Variants in ADAMTS9 observed in about 807,000 individuals in gnomAD.
ADAMTS9 encodes the protein A disintegrin and metalloproteinase with thrombospondin motifs 9.
In ADAMTS9, 107 loss-of-function variants were observed where a neutral mutation model predicts 257.1. The observed-to-expected ratio is 0.42, with a 90% CI of 0.36 to 0.49. The LOEUF is 0.49. Ranked by LOEUF, ADAMTS9 falls within the 20% of genes least tolerant of loss-of-function variation. The probability of loss-of-function intolerance (pLI) is 0.03; values close to 1 mark genes in which losing one functional copy is unlikely to be tolerated. For missense variants in ADAMTS9, 2,353 were observed against 2,469.1 expected, an observed-to-expected ratio of 0.95 and a Z score of 1.00; for synonymous variants, 982 against 880.9, an observed-to-expected ratio of 1.11 and a Z score of -2.03.
intron 3 of ADAMTS9, among the ~76,000 whole-genome samples, chr3:64,674,432 C>A (rs777114797): frequency 2.0e-5 from 3 of 152,150 alleles, no homozygotes; most frequent in Non-Finnish European, 2.9e-5. Context: ...AAGCTGTGGA[C>A]AAGTTTGTTC....
chr3:64,572,955 G>T (rs182990095), intron 28 of ADAMTS9, among the ~76,000 whole-genome samples: 2 of 152,150 alleles, frequency 1.3e-5, no homozygotes, highest in East Asian at 3.9e-4. Flanking sequence ...GCATGCACCT[G>T]TAGTTCCAGC....
At chr3:64,677,635 T>C (rs1293169850) in intron 3 of ADAMTS9, among the ~76,000 whole-genome samples, 1 of 152,218 alleles carries the variant, frequency 6.6e-6, no homozygotes, top group South Asian at 2.1e-4. Context: ...AAAAAACACC[T>C]ACCATTCTGT....
intron 28 of ADAMTS9, among the ~76,000 whole-genome samples, chr3:64,569,856 G>A (rs1321611483): frequency 6.6e-6 from 1 of 152,090 alleles, no homozygotes; most frequent in African/African-American, 2.4e-5. Context: ...AATCTTAATG[G>A]AGTATACAGG....
intron 8 of ADAMTS9, 70 bp downstream of exon 8, chr3:64,654,283 C>T (rs1701002275): frequency 6.9e-7 from 1 of 1,442,970 alleles, no homozygotes; most frequent in Non-Finnish European, 9.6e-7. Context: ...CAAGTAAATG[C>T]TCACTGATGC....
At chr3:64,530,523 AT>A (rs1282006539) in intron 38 of ADAMTS9, among the ~76,000 whole-genome samples, 6 of 136,208 alleles carry the variant, frequency 4.4e-5, no homozygotes, top group Admixed American at 4.1e-4. Flanking sequence ...GAACACCAAG[AT>A]TTAAAAAAAA....
intron 3 of ADAMTS9, among the ~76,000 whole-genome samples, chr3:64,663,208 T>A: frequency 6.6e-6 from 1 of 152,224 alleles, no homozygotes; most frequent in South Asian, 2.1e-4. Context: ...TCTGTGGATA[T>A]ACCAAAGAAT....
intron 37 of ADAMTS9, among the ~76,000 whole-genome samples, chr3:64,536,802 T>C (rs2083056608): frequency 1.3e-5 from 2 of 152,172 alleles, no homozygotes; most frequent in African/African-American, 4.8e-5. Flanking sequence ...ATAATAATAG[T>C]GTCACATCTA....
chr3:64,611,658 TCA>T (rs1236663923), intron 22 of ADAMTS9, among the ~76,000 whole-genome samples: 1 of 152,154 alleles, frequency 6.6e-6, no homozygotes, highest in East Asian at 1.9e-4. Context: ...AACCTAGATC[TCA>T]CAGTTCACAA....
chr3:64,575,798 T>C (rs1334151366), intron 28 of ADAMTS9, among the ~76,000 whole-genome samples: 2 of 152,228 alleles, frequency 1.3e-5, no homozygotes, highest in African/African-American at 4.8e-5. Context: ...AGACAATGCA[T>C]GCAAAGCTCT....
chr3:64,536,397 G>C (rs75962212), intron 37 of ADAMTS9, among the ~76,000 whole-genome samples: 8,879 of 152,212 alleles, frequency 0.058, 1,151 homozygotes, highest in Admixed American at 0.3. Context: ...ACCTTCTGTT[G>C]CCTATTCTAA....
chr3:64,649,842 A>G, intron 9 of ADAMTS9, 64 bp from the exon 10 acceptor site: 1 of 1,551,936 alleles, frequency 6.4e-7, no homozygotes, highest in East Asian at 2.3e-5. Context: ...TCCCCCAGGT[A>G]ACAGTAAAGG....
In ADAMTS9 at chr3:64,622,313, T is replaced by C. The variant is rs748810330; in HGVS notation, c.2571A>G (p.Gly857=). Residue 857 remains glycine, a synonymous_variant, in exon 18 of 40, where the codon GGA becomes GGG. Transcript: ENST00000498707. ...AGCGTACATCGGGGTTGTACAACTTTCCCACCGACAAAACCTAGAATGTGT... is the reference window on the plus strand; with the variant it reads ...AGCGTACATCGGGGTTGTACAACTTCCCCACCGACAAAACCTAGAATGTGT... ...QELLLQVLSV[G]KLYNPDVRYS... 6.2e-7 allele frequency: 1 copy of C among 1,613,672 alleles called. No individual in the cohort carries two copies.
At chr3:64,560,638 C>T (rs1001544161) in intron 30 of ADAMTS9, among the ~76,000 whole-genome samples, 4 of 152,238 alleles carry the variant, frequency 2.6e-5, no homozygotes, top group African/African-American at 9.6e-5. Context: ...AATAATAATG[C>T]TCACCTTGTC....
At chr3:64,604,395 G>A in intron 23 of ADAMTS9, 64 bp from the exon 24 acceptor site, 1 of 1,176,018 alleles carries the variant, frequency 8.5e-7, no homozygotes, top group Non-Finnish European at 1.2e-6. Context: ...CAAGGTAATG[G>A]TCATGGTGGA....
chr3:64,528,659 G>A (rs895432737), intron 38 of ADAMTS9, among the ~76,000 whole-genome samples: 5 of 152,104 alleles, frequency 3.3e-5, no homozygotes, highest in Non-Finnish European at 7.3e-5. Flanking sequence ...CCCTTCCTTA[G>A]TCACCTTGGC....
chr3:64,582,760 G>A (rs1035372504), intron 28 of ADAMTS9: 3 of 152,182 alleles, frequency 2.0e-5, no homozygotes, highest in Non-Finnish European at 4.4e-5. Flanking sequence ...ATAGTGCCAA[G>A]GTTGGGAAAC....
At chr3:64,630,986 A>G (rs879388130) in intron 16 of ADAMTS9, among the ~76,000 whole-genome samples, 1 of 152,176 alleles carries the variant, frequency 6.6e-6, no homozygotes, top group Non-Finnish European at 1.5e-5. Flanking sequence ...GTCACCATAG[A>G]AACTTTTGCA....
chr3:64,604,255 G>A lies in ADAMTS9; in HGVS notation c.3551C>T (p.Thr1184Ile), dbSNP rs192384417. 2 of 1,613,630 alleles carry A rather than the reference G, an allele frequency of 1.2e-6. No individual in the cohort carries two copies. The highest frequency in any genetic ancestry group is 1.7e-5 in the Admixed American group (1 of 59,976). The change falls in exon 24 of 40, where the codon ACC becomes ATC. Residue 1184 changes from threonine to isoleucine, a missense_variant. Around this residue, in one of 3 missense-constraint regions of ADAMTS9, gnomAD observed 1,402 missense variants for 1,441.4 expected, o/e 0.97. Coordinates refer to ENST00000498707, the MANE Select transcript of ADAMTS9 (RefSeq NM_182920.2). Reference protein sequence around the residue: ...TRRSTYSAPRTQWRFGSWTPC... With the variant: ...TRRSTYSAPRIQWRFGSWTPC... ...GGTCCAAGACCCAAATCGCCACTGG[G>A]TTCTTGGTGCACTGTATGTGCTTCT...
At chr3:64,679,417 C>G (rs914818570) in intron 3 of ADAMTS9, among the ~76,000 whole-genome samples, 2 of 152,146 alleles carry the variant, frequency 1.3e-5, no homozygotes, top group African/African-American at 4.8e-5. Flanking sequence ...ATCTCAGCTC[C>G]TTTTCCAGGT....
Sources: gnomAD v4.1 joint callset for allele counts (sites outside exome capture counted in the v4.1 genomes callset) on GRCh38, gnomAD v4.1.1 for gene constraint, gnomAD v4.1.1 regional missense constraint, MANE v1.5 for transcripts, NCBI Gene and HGNC (gene_info 2026-07-23, HGNC 2026-07-21) for gene names.